The following WDR7 variants were observed in gnomAD, a reference collection of about 807,000 sequenced individuals.
WDR7 encodes the protein WD repeat domain 7, also known as WD repeat-containing protein 7.
In WDR7, 46 loss-of-function variants were observed where a neutral mutation model predicts 169.4. The observed-to-expected ratio is 0.27, with a 90% confidence interval of 0.21 to 0.35. WDR7 has a LOEUF of 0.35. WDR7 is among the 10% of genes least tolerant of loss of function. The probability of loss-of-function intolerance (pLI) is 1.00; values close to 1 mark genes in which losing one functional copy is unlikely to be tolerated. For missense variants in WDR7, 1,534 were observed against 1,859.3 expected, an observed-to-expected ratio of 0.83 and a Z score of 3.22; for synonymous variants, 612 against 666.8, an observed-to-expected ratio of 0.92 and a Z score of 1.27.
chr18:56,705,058 C>T (rs1207842737), intron 12 of WDR7, among the ~76,000 whole-genome samples: 19 of 152,094 alleles, frequency 1.2e-4, no homozygotes, highest in Admixed American at 1.2e-3. Flanking sequence ...GCATTGAACT[C>T]CTGGCCTCAA....
intron 1 of WDR7, among the ~76,000 whole-genome samples, chr18:56,653,915 A>G (rs1402560613): frequency 1.3e-5 from 2 of 152,140 alleles, no homozygotes. Flanking sequence ...TTTGGTTTTC[A>G]TATATTTTAT....
Position 56,712,179 on chromosome 18 carries a change from A to G in WDR7, c.1579-5785A>G, listed in dbSNP as rs140574482. Among the ~76,000 whole-genome samples the G allele has an allele frequency of 1.2e-3, 176 of 152,380 alleles. No homozygotes were observed. In the Middle Eastern group the frequency reaches 0.014, roughly 12 times the overall value. ...TGTTGGAAAGTGGAGTCATCTCCCCAGAGAGCTAGTGGATGGGATAAACTA... is the reference window on the plus strand; with the variant it reads ...TGTTGGAAAGTGGAGTCATCTCCCCGGAGAGCTAGTGGATGGGATAAACTA... On this transcript the variant is annotated intron_variant, in intron 12 of 27. Transcript: ENST00000254442.
At chr18:56,865,256 T>C (rs1403405938) in intron 20 of WDR7, among the ~76,000 whole-genome samples, 2 of 152,040 alleles carry the variant, frequency 1.3e-5, no homozygotes, top group African/African-American at 4.8e-5. Flanking sequence ...CTGAAAGGCA[T>C]TTAGCACTCA....
At chr18:56,994,177 G>A (rs1176856158) in intron 26 of WDR7, among the ~76,000 whole-genome samples, 2 of 151,878 alleles carry the variant, frequency 1.3e-5, no homozygotes, top group African/African-American at 4.8e-5. Context: ...ACGCCACCAC[G>A]CCTGGCTAAT....
chr18:56,894,233 A>T (rs562701530), intron 21 of WDR7, among the ~76,000 whole-genome samples: 2 of 152,022 alleles, frequency 1.3e-5, no homozygotes, highest in South Asian at 4.1e-4. Flanking sequence ...CTTCCAGCAT[A>T]GCAGTCGTGG....
chr18:56,754,356 TGTGTGTATATATAC>T (rs1381941924), intron 14 of WDR7, among the ~76,000 whole-genome samples: 1 of 151,198 alleles, frequency 6.6e-6, no homozygotes, highest in Non-Finnish European at 1.5e-5. Flanking sequence ...TGTATATATG[TGTGTGTATATATAC>T]ACGTATATAT....
intron 25 of WDR7, among the ~76,000 whole-genome samples, chr18:56,950,534 C>T (rs1375608860): frequency 6.6e-6 from 1 of 152,170 alleles, no homozygotes; most frequent in Non-Finnish European, 1.5e-5. Flanking sequence ...GTTTGAGAAC[C>T]ACTGATGTAG....
At chr18:56,675,378 G>T (rs1391889686) in intron 2 of WDR7, among the ~76,000 whole-genome samples, 2 of 150,972 alleles carry the variant, frequency 1.3e-5, no homozygotes, top group Non-Finnish European at 3.0e-5. Flanking sequence ...TAGATCTTTA[G>T]TTTTTTTTCA....
At chr18:56,707,379 A>C (rs774367305) in intron 12 of WDR7, among the ~76,000 whole-genome samples, 15 of 151,028 alleles carry the variant, frequency 9.9e-5, no homozygotes, top group Admixed American at 2.0e-4. Context: ...AAACCCGTAC[A>C]AATTAGGGAT....
chr18:56,809,724 T>G (rs1260003767), intron 19 of WDR7, among the ~76,000 whole-genome samples: 1 of 152,112 alleles, frequency 6.6e-6, no homozygotes, highest in Non-Finnish European at 1.5e-5. Flanking sequence ...TAGCATTGTA[T>G]TCTGGCATAG....
At position 56,888,287 on chromosome 18, in the gene WDR7, T is replaced by C. The variant is rs1599131816; in HGVS notation, c.3526+8122T>C. ...ACACTTTACATATATTGAAATCACA[T>C]GTCAAAGACGAAGCTGAAGGACTCT... is the stretch of plus-strand genomic sequence containing the variant. On this transcript the variant is annotated intron_variant, in intron 21 of 27. Coordinates refer to ENST00000254442, the MANE Select transcript of WDR7 (RefSeq NM_015285.3). Among the ~76,000 whole-genome samples the C allele has an allele frequency of 3.3e-5, 5 of 152,354 alleles. 1 individual carries two copies. The highest frequency in any genetic ancestry group is 3.3e-4 in the Admixed American group (5 of 15,294).
chr18:56,920,770 C>A (rs1415087761), intron 21 of WDR7, among the ~76,000 whole-genome samples: 1 of 152,086 alleles, frequency 6.6e-6, no homozygotes, highest in African/African-American at 2.4e-5. Context: ...TTATTCAATA[C>A]CAACTGTTTA....
chr18:56,667,363 G>T (rs1272674640), intron 1 of WDR7, among the ~76,000 whole-genome samples: 1 of 151,822 alleles, frequency 6.6e-6, no homozygotes, highest in African/African-American at 2.4e-5. Flanking sequence ...ATCATATTTG[G>T]TTTATCTGTC....
intron 12 of WDR7, chr18:56,699,992 C>A: frequency 3.5e-6 from 2 of 567,276 alleles, no homozygotes; most frequent in Non-Finnish European, 4.5e-6. Context: ...AAAGTCTTTC[C>A]AAATTCCTAC....
intron 20 of WDR7, among the ~76,000 whole-genome samples, chr18:56,827,968 T>C (rs986046569): frequency 8.5e-5 from 13 of 152,224 alleles, no homozygotes; most frequent in African/African-American, 3.1e-4. Context: ...ATAAATATGA[T>C]AGGCTTCTTG....
chr18:56,885,552 C>T lies in WDR7; in HGVS notation c.3526+5387C>T, dbSNP rs191291272. ...AAGAACTTCAGAACTCAGCTGGGCG[C>T]GGTGGCTCATGCCTGTAATCCCAGC... On this transcript the variant is annotated intron_variant, in intron 21 of 27. Transcript: ENST00000254442. 5.2e-4 allele frequency among the ~76,000 whole-genome samples: 79 copies of T among 151,844 alleles called. 1 individual carries two copies. Among genetic ancestry groups the T allele is most frequent in the Admixed American group, 2.8e-3 (42 of 15,244 alleles).
chr18:56,676,927 T>C (rs935518628), intron 2 of WDR7, among the ~76,000 whole-genome samples: 1 of 152,220 alleles, frequency 6.6e-6, no homozygotes, highest in Non-Finnish European at 1.5e-5. Flanking sequence ...TTTAACTTTT[T>C]ATTGTTACTA....
Position 56,686,835 on chromosome 18 carries a change from T to C in WDR7, c.598-20T>C. The C allele has an allele frequency of 7.1e-7, 1 of 1,417,724 alleles. No individual in the cohort carries two copies. The highest frequency in any genetic ancestry group is 9.5e-7 in the Non-Finnish European group (1 of 1,057,188). The allele number at this position is 1,417,724 out of a possible 1,614,324, so 87.8% of individuals were successfully genotyped here. On this transcript the variant is annotated intron_variant, in intron 6 of 27. Transcript: ENST00000254442. ...TGACAATCATGCTATTCCTAAATTT[T>C]TACAAATCTTTCTTTTCAGGATACT... is the stretch of plus-strand genomic sequence containing the variant.
chr18:57,026,286 G>T (rs2048365409), intron 27 of WDR7, among the ~76,000 whole-genome samples: 1 of 152,172 alleles, frequency 6.6e-6, no homozygotes, highest in African/African-American at 2.4e-5. Context: ...CAGAAAAACT[G>T]CCAAAAAGCA....
Sources: allele counts gnomAD v4.1 joint callset (sites outside exome capture counted in the v4.1 genomes callset), GRCh38; gene constraint gnomAD v4.1.1; transcripts MANE v1.5; gene names NCBI Gene and HGNC (gene_info 2026-07-23, HGNC 2026-07-21).